The following STXBP2 variants were observed in gnomAD, a reference collection of about 807,000 sequenced individuals.
The protein encoded by STXBP2 is syntaxin-binding protein 2.
In STXBP2, 47 loss-of-function variants were observed where a neutral mutation model predicts 72.2. That is an observed-to-expected ratio of 0.65 (90% CI 0.51 to 0.83). The LOEUF (loss-of-function observed/expected upper bound fraction) is 0.83, where lower values mean the gene tolerates loss of function less well. STXBP2 is among the 40% of genes least tolerant of loss of function. The pLI is 0.00. For synonymous variants in STXBP2, 367 were observed against 338.7 expected (o/e 1.08, Z -0.92); for missense variants, 702 against 807.6 (o/e 0.87, Z 1.58).
intron 1 of STXBP2, among the ~76,000 whole-genome samples, chr19:7,638,036 G>T (rs757485671): frequency 6.6e-6 from 1 of 152,232 alleles, no homozygotes; most frequent in Non-Finnish European, 1.5e-5. Flanking sequence ...GACCAGGTTG[G>T]GGGGACTGGC....
In STXBP2 at chr19:7,640,769, G is replaced by A. The variant is rs150567570; in HGVS notation, c.285G>A (p.Pro95=). ...QALIKDFQGT[P]TFTYKAAHIF... ...TGATCAAAGACTTCCAGGGGACCCC[G>A]ACTTTCACCTACAAAGCGGCCCATA... The change falls in exon 5 of 19, where the codon CCG becomes CCA. Residue 95 remains proline (P), a synonymous_variant. Coordinates refer to ENST00000221283, the MANE Select transcript of STXBP2 (RefSeq NM_006949.4). 4.3e-5 allele frequency: 69 copies of A among 1,614,062 alleles called. No individual in the cohort carries two copies. The African/African-American group carries it at 7.6e-4, about 18-fold the overall frequency.
Position 7,639,754 on chromosome 19 carries a change from C to G in STXBP2, c.193C>G (p.Arg65Gly), listed in dbSNP as rs758188545. The G allele has an allele frequency of 1.9e-6, 3 of 1,613,542 alleles. No individual in the cohort carries two copies. Among genetic ancestry groups the G allele is most frequent in the Non-Finnish European group, 2.5e-6 (3 of 1,179,944 alleles). ...ITIVEDINKR[R>G]EPIPSLEAIY... is the part of the protein sequence containing the mutation. ...AGTTGTTGAAGACATCAACAAACGG[C>G]GGGAACCCATTCCCAGTCTGGAGGC... The change falls in exon 4 of 19, where the codon CGG (arginine) becomes GGG (glycine). Residue 65 changes from arginine (R) to glycine (G), a missense_variant. Coordinates refer to ENST00000221283, the MANE Select transcript of STXBP2 (RefSeq NM_006949.4).
intron 5 of STXBP2, 23 bp from the exon 6 acceptor site, chr19:7,640,877 G>T: frequency 6.2e-7 from 1 of 1,612,502 alleles, no homozygotes; most frequent in Non-Finnish European, 8.5e-7. Context: ...CTGGCCTGAT[G>T]CCCCACTCCT....
upstream of STXBP2, among the ~76,000 whole-genome samples, chr19:7,634,087 A>G (rs985258180): frequency 6.6e-6 from 1 of 152,086 alleles, no homozygotes; most frequent in Non-Finnish European, 1.5e-5. Context: ...CCAAAACAAG[A>G]AAGTCTGGGG....
intron 15 of STXBP2, chr19:7,645,526 A>G (rs2032099034): frequency 8.9e-6 from 5 of 559,842 alleles, no homozygotes; most frequent in Admixed American, 6.1e-5. Context: ...GAAGTGAGAC[A>G]TGGTCGCTGC....
rs1323902482 is a variant in STXBP2, at chr19:7,641,691, C to A, written c.430-14C>A. On this transcript the variant is annotated splice_polypyrimidine_tract_variant and intron_variant, in intron 6 of 18. Transcript: ENST00000221283. ...CAGCGGCAACCCTGGTGCTTCTGTC[C>A]CCTCCTCGCCCAGGTGTTCTCCCTC... 1 of 1,551,612 alleles carries A rather than the reference C, an allele frequency of 6.4e-7. No individual in the cohort carries two copies. Among genetic ancestry groups the A allele is most frequent in the Admixed American group, 2.0e-5 (1 of 51,150 alleles).
Position 7,647,748 on chromosome 19 carries a change from A to G in STXBP2, c.1720A>G (p.Thr574Ala). Residue 574 changes from threonine (T) to alanine (A), a missense_variant, in exon 19 of 19, where the codon ACC (threonine) becomes GCC (alanine). Coordinates refer to ENST00000221283, the MANE Select transcript of STXBP2 (RefSeq NM_006949.4). ...LIGSSHILTPTRFLDDLKALD... is the reference protein window; with the variant it reads ...LIGSSHILTPARFLDDLKALD... ...AGGCTCCTCACACATCCTCACCCCG[A>G]CCCGCTTCCTGGATGACCTGAAGGC... 1.2e-6 allele frequency: 2 copies of G among 1,613,780 alleles called. No individual in the cohort carries two copies. Among genetic ancestry groups the G allele is most frequent in the Middle Eastern group, 1.6e-4 (1 of 6,062 alleles).
At chr19:7,635,163 C>G (rs117165461), upstream of STXBP2, among the ~76,000 whole-genome samples, 836 of 152,308 alleles carry the variant, frequency 5.5e-3, 11 homozygotes, top group Non-Finnish European at 9.1e-3. Context: ...AGGGGTCAGG[C>G]TGAGAAGCTG....
chr19:7,638,689 A>G, intron 1 of STXBP2, 37 bp from the exon 2 acceptor site: 4 of 1,612,260 alleles, frequency 2.5e-6, no homozygotes, highest in Non-Finnish European at 3.4e-6. Flanking sequence ...GGGACCAGAG[A>G]ACCAGCATTC....
chr19:7,641,990 C>T (rs773239101), intron 7 of STXBP2, 44 bp from the exon 8 acceptor site: 82 of 1,611,632 alleles, frequency 5.1e-5, no homozygotes, highest in Non-Finnish European at 6.8e-5. Context: ...CCATCCTTGA[C>T]CCCATCCCCT....
upstream of STXBP2, chr19:7,633,657 G>T: frequency 1.7e-6 from 1 of 603,824 alleles, no homozygotes; most frequent in South Asian, 2.1e-5. Flanking sequence ...GCTGGATCTG[G>T]CATGGTGGGT....
At chr19:7,645,807 G>A (rs138980821) in intron 15 of STXBP2, among the ~76,000 whole-genome samples, 410 of 142,826 alleles carry the variant, frequency 2.9e-3, no homozygotes, top group Non-Finnish European at 4.2e-3. Flanking sequence ...CATCCATCTC[G>A]CTGTGCACTG....
chr19:7,633,340 C>CTAGT (rs1872779795), upstream of STXBP2: 6 of 1,452,392 alleles, frequency 4.1e-6, no homozygotes, highest in Non-Finnish European at 4.7e-6. Flanking sequence ...GCCCTACAAA[C>CTAGT]TAGTCTTGTC....
At position 7,642,269 on chromosome 19, in the gene STXBP2, C is replaced by T; in HGVS notation, c.730C>T (p.Leu244=). 4 of 1,614,174 alleles carry T rather than the reference C, an allele frequency of 2.5e-6. No individual in the cohort carries two copies. Among genetic ancestry groups the T allele is most frequent in the South Asian group, 1.1e-5 (1 of 91,084 alleles). Residue 244 remains leucine (L), a synonymous_variant, in exon 9 of 19, where the codon CTG becomes TTG. Transcript: ENST00000221283. The surrounding 1 kb of genome is among the most constrained non-coding windows in gnomAD (Gnocchi z 6.0). ...DRAADPVSPL[L]HELTFQAMAY... is the part of the protein sequence containing the mutation. ...GGCAGCTGACCCCGTGTCCCCACTA[C>T]TGCATGAGCTCACGTTCCAGGCCAT...
At chr19:7,640,014 G>A (rs963691218) in intron 4 of STXBP2, 1 of 685,486 alleles carries the variant, frequency 1.5e-6, no homozygotes, top group East Asian at 2.8e-5. Context: ...GTATGTGTCT[G>A]TGTGCATGTG....
chr19:7,638,852 C>A, intron 2 of STXBP2, 77 bp downstream of exon 2: 8 of 1,596,540 alleles, frequency 5.0e-6, no homozygotes, highest in South Asian at 1.1e-5. Flanking sequence ...GAATGTGGGA[C>A]CCCCAAGAAC....
chr19:7,639,934 G>T (rs1249149088), intron 4 of STXBP2, 127 bp downstream of exon 4: 1 of 423,244 alleles, frequency 2.4e-6, no homozygotes, highest in Admixed American at 3.3e-5. Context: ...ATGTGTATGT[G>T]TGTGCATGTG....
chr19:7,640,513 C>T (rs1376429291), intron 4 of STXBP2: 7 of 676,638 alleles, frequency 1.0e-5, no homozygotes, highest in Non-Finnish European at 1.6e-5. Context: ...TGTGTGTGTG[C>T]ATGTGTGCAT....
intron 4 of STXBP2, chr19:7,640,169 T>TGTGC: frequency 1.8e-6 from 1 of 556,838 alleles, no homozygotes; most frequent in Non-Finnish European, 3.4e-6. Flanking sequence ...TATGTGTGTG[T>TGTGC]GTGCGTCTGT....
Sources: gnomAD v4.1 joint callset for allele counts (sites outside exome capture counted in the v4.1 genomes callset) on GRCh38, gnomAD v4.1.1 for gene constraint, Gnocchi (gnomAD v3.1) non-coding constraint, MANE v1.5 for transcripts, NCBI Gene and HGNC (gene_info 2026-07-23, HGNC 2026-07-21) for gene names.